Variants in RAPGEF4 observed in about 807,000 individuals in gnomAD.
RAPGEF4 encodes Rap guanine nucleotide exchange factor 4, also known as RAP guanine-nucleotide-exchange factor (GEF) 4.
In RAPGEF4, 66 loss-of-function variants were observed where a neutral mutation model predicts 147.9. The ratio of observed to expected loss-of-function variants is 0.45; its 90% CI spans 0.37 to 0.55. The LOEUF is 0.55. Among genes scored for constraint, RAPGEF4 ranks in the 20% least tolerant of loss-of-function variants. The probability of loss-of-function intolerance (pLI) is 0.00; values close to 1 mark genes in which losing one functional copy is unlikely to be tolerated. For missense variants in RAPGEF4, 1,071 were observed against 1,257.3 expected, an observed-to-expected ratio of 0.85 and a Z score of 2.24; for synonymous variants, 419 against 442.7, an observed-to-expected ratio of 0.95 and a Z score of 0.67.
In RAPGEF4 at chr2:172,961,124, C is replaced by T; in HGVS notation, c.594C>T (p.Val198=). ...PLRPANTITK[V]PSEKILRAGK... is the part of the protein sequence containing the mutation. ...CCTTCCACCTGATTACAATCCAGGT[C>T]CCTTCAGAGAAGATCCTCAGAGCTG... The change falls in exon 8 of 31, where the codon GTC becomes GTT. Residue 198 remains valine, a splice_region_variant and synonymous_variant. Transcript: ENST00000397081. The T allele has an allele frequency of 6.3e-7, 1 of 1,598,360 alleles. No individual in the cohort carries two copies. The highest frequency in any genetic ancestry group is 2.2e-5 in the East Asian group (1 of 44,792).
rs17852173 is a variant in RAPGEF4 at position 173,018,683 on chromosome 2, A to C, written c.2036A>C (p.His679Pro). 1 of 1,614,142 alleles carries C rather than the reference A, an allele frequency of 6.2e-7. No homozygotes were observed. Among genetic ancestry groups the C allele is most frequent in the Non-Finnish European group, 8.5e-7 (1 of 1,180,022 alleles). Reference sequence around the variant, plus strand: ...CTGTTTAAGGTCTATTGCATGGACCACACCTACACAACCATTCGGGTGCCA... The same window carrying C: ...CTGTTTAAGGTCTATTGCATGGACCCCACCTACACAACCATTCGGGTGCCA... ...EVLFKVYCMD[H>P]TYTTIRVPVA... The change falls in exon 22 of 31, where the codon CAC becomes CCC. Residue 679 changes from histidine to proline, a missense_variant. Transcript: ENST00000397081.
chr2:172,761,208 C>T (rs902267248), intron 1 of RAPGEF4, among the ~76,000 whole-genome samples: 3 of 151,608 alleles, frequency 2.0e-5, no homozygotes, highest in Middle Eastern at 3.4e-3. Flanking sequence ...TCACTGCAAC[C>T]TCTGCTCCCT....
At chr2:172,737,209 GCCCTATTT>G (rs1693872064) in intron 1 of RAPGEF4, among the ~76,000 whole-genome samples, 2 of 152,152 alleles carry the variant, frequency 1.3e-5, no homozygotes, top group Non-Finnish European at 2.9e-5. Flanking sequence ...GGCAGGTAGT[GCCCTATTT>G]ATGTCTAAAA....
intron 1 of RAPGEF4, among the ~76,000 whole-genome samples, chr2:172,783,971 T>C (rs1176739024): frequency 6.6e-6 from 1 of 152,210 alleles, no homozygotes; most frequent in African/African-American, 2.4e-5. Flanking sequence ...GATTTTACAG[T>C]AATGCCTTCA....
In RAPGEF4 at chr2:172,973,015, CT is replaced by C. The variant is rs557491447; in HGVS notation, c.1004+5575del. Among the ~76,000 whole-genome samples the C allele has an allele frequency of 2.3e-3, 349 of 151,898 alleles. 1 individual carries two copies. The highest frequency in any genetic ancestry group is 4.1e-3 in the Admixed American group (62 of 15,262). ...AGTTAAATATCCTTTAAGGATGGAGCTTTTAAATAGGTGTGTTCTCTGAATG... is the reference window on the plus strand; with the variant it reads ...AGTTAAATATCCTTTAAGGATGGAGCTTTAAATAGGTGTGTTCTCTGAATG... On this transcript the variant is annotated intron_variant, in intron 10 of 30. Transcript: ENST00000397081.
intron 3 of RAPGEF4, 64 bp downstream of exon 3, chr2:172,797,677 C>A: frequency 8.3e-7 from 1 of 1,208,870 alleles, no homozygotes; most frequent in South Asian, 1.3e-5. Context: ...ATCCCTATGT[C>A]TTTTATGCCA....
intron 1 of RAPGEF4, among the ~76,000 whole-genome samples, chr2:172,760,485 G>A (rs910637170): frequency 1.3e-5 from 2 of 152,186 alleles, no homozygotes; most frequent in African/African-American, 2.4e-5. Flanking sequence ...TTGGGAGGCC[G>A]AGGTGGGTGG....
intron 1 of RAPGEF4, among the ~76,000 whole-genome samples, chr2:172,758,562 C>T (rs947787900): frequency 6.6e-6 from 1 of 152,086 alleles, no homozygotes; most frequent in Non-Finnish European, 1.5e-5. Flanking sequence ...ATCAGGGGAA[C>T]AGCAGTGAAG....
intron 4 of RAPGEF4, among the ~76,000 whole-genome samples, chr2:172,878,550 C>T (rs1204376411): frequency 1.3e-5 from 2 of 152,090 alleles, no homozygotes; most frequent in African/African-American, 4.8e-5. Context: ...CGGGAAGAAG[C>T]TCAGGAAAGG....
At chr2:172,736,122 G>T in intron 1 of RAPGEF4, 74 bp downstream of exon 1, 1 of 1,188,890 alleles carries the variant, frequency 8.4e-7, no homozygotes, top group Non-Finnish European at 1.1e-6. Context: ...CCGCAGCTCC[G>T]CACCTGGGCG....
At chr2:172,995,429 G>T (rs1693253720) in intron 15 of RAPGEF4, among the ~76,000 whole-genome samples, 1 of 152,088 alleles carries the variant, frequency 6.6e-6, no homozygotes, top group Non-Finnish European at 1.5e-5. Context: ...ACAGGCATGT[G>T]CCACCACGCC....
chr2:172,888,064 G>T (rs542144376), intron 4 of RAPGEF4, among the ~76,000 whole-genome samples: 17 of 152,002 alleles, frequency 1.1e-4, no homozygotes, highest in Non-Finnish European at 2.1e-4. Flanking sequence ...TGCATCTTCC[G>T]TGCATCCGTC....
chr2:172,773,031 C>G (rs1484303529), intron 1 of RAPGEF4, among the ~76,000 whole-genome samples: 4 of 152,172 alleles, frequency 2.6e-5, no homozygotes, highest in Admixed American at 6.5e-5. Context: ...TATTCTCTTT[C>G]ATTAACTAAT....
intron 5 of RAPGEF4, among the ~76,000 whole-genome samples, chr2:172,920,212 G>C (rs1352323834): frequency 2.0e-5 from 3 of 151,976 alleles, no homozygotes; most frequent in African/African-American, 7.3e-5. Context: ...AAATTAATAT[G>C]CATTTTAATA....
At chr2:172,859,552 A>G (rs937298285) in intron 4 of RAPGEF4, among the ~76,000 whole-genome samples, 13 of 152,222 alleles carry the variant, frequency 8.5e-5, no homozygotes, top group African/African-American at 2.9e-4. Flanking sequence ...CCAAATTTTT[A>G]TAGCATTTTA....
Position 173,048,583 on chromosome 2 carries a change from T to G in RAPGEF4, c.2854-17T>G. The G allele has an allele frequency of 6.2e-7, 1 of 1,613,980 alleles. No individual in the cohort carries two copies. Among genetic ancestry groups the G allele is most frequent in the Non-Finnish European group, 8.5e-7 (1 of 1,179,954 alleles). On this transcript the variant is annotated splice_polypyrimidine_tract_variant and intron_variant, in intron 29 of 30. Transcript: ENST00000397081. ...TTACTTGAATTTCTATCTTTCTTTT[T>G]TCTATATTCCTTTTAGCGCATGATT...
chr2:172,738,094 T>C (rs1190387850), intron 1 of RAPGEF4, among the ~76,000 whole-genome samples: 1 of 151,272 alleles, frequency 6.6e-6, no homozygotes, highest in Non-Finnish European at 1.5e-5. Flanking sequence ...ACTTAGATTG[T>C]TTATTTATTT....
At chr2:173,048,429 T>C in intron 29 of RAPGEF4, 171 bp from the exon 30 acceptor site, 1 of 1,401,544 alleles carries the variant, frequency 7.1e-7, no homozygotes, top group East Asian at 2.6e-5. Context: ...GGTACCCCTT[T>C]GAAATAATTA....
At chr2:172,771,118 G>A (rs1683525407) in intron 1 of RAPGEF4, among the ~76,000 whole-genome samples, 1 of 151,522 alleles carries the variant, frequency 6.6e-6, no homozygotes, top group South Asian at 2.1e-4. Flanking sequence ...CATATTTATT[G>A]TAAACAATAA....
Sources: gnomAD v4.1 joint callset for allele counts (sites outside exome capture counted in the v4.1 genomes callset) on GRCh38, gnomAD v4.1.1 for gene constraint, MANE v1.5 for transcripts, NCBI Gene and HGNC (gene_info 2026-07-23, HGNC 2026-07-21) for gene names.